Variants in PCLO observed in about 807,000 individuals in gnomAD.
PCLO encodes the protein protein piccolo.
Under a neutral mutation model 427.5 loss-of-function variants are expected in PCLO, and 82 were observed. That is an observed-to-expected ratio of 0.19 (90% CI 0.16 to 0.23). The LOEUF is 0.23. PCLO is among the 10% of genes least tolerant of loss of function. PCLO has a pLI of 1.00. For synonymous variants in PCLO, 2,357 were observed against 2,155.4 expected (o/e 1.09, Z -2.59); for missense variants, 6,239 against 6,115.9 (o/e 1.02, Z -0.67).
intron 1 of PCLO, among the ~76,000 whole-genome samples, chr7:83,160,084 C>G (rs1024396055): frequency 5.3e-5 from 8 of 152,084 alleles, no homozygotes; most frequent in Non-Finnish European, 1.2e-4. Flanking sequence ...ATTGCTGATA[C>G]CGATATTGCC....
In PCLO at chr7:82,754,868, A is replaced by G. The variant is rs1018351903; in HGVS notation, c.*3707T>C. 1 of 152,144 alleles carries G rather than the reference A, an allele frequency of 6.6e-6. No homozygotes were observed. The highest frequency in any genetic ancestry group is 2.4e-5 in the African/African-American group (1 of 41,466). 9.4% of individuals were successfully genotyped at this position (152,144 alleles called of 1,614,324 possible). ...GGAAGGAAGATCACTTCTGTCACAC[A>G]TAACACATATATAGCTGTAGTTGGC... On this transcript the variant is annotated 3_prime_UTR_variant, in exon 25 of 25. Transcript: ENST00000333891.
chr7:82,940,023 G>A (rs545516128), intron 6 of PCLO, among the ~76,000 whole-genome samples: 1 of 152,122 alleles, frequency 6.6e-6, no homozygotes, highest in South Asian at 2.1e-4. Context: ...AAATGAAAAC[G>A]TTTTTACTAA....
intron 22 of PCLO, among the ~76,000 whole-genome samples, chr7:82,785,058 T>G (rs75851841): frequency 1.5e-3 from 224 of 152,330 alleles, no homozygotes; most frequent in African/African-American, 5.3e-3. Context: ...GGTATTATTT[T>G]ATATTTCATT....
At chr7:83,001,519 CACACACACACAA>C (rs1425679570) in intron 3 of PCLO, among the ~76,000 whole-genome samples, 3 of 151,572 alleles carry the variant, frequency 2.0e-5, no homozygotes, top group Admixed American at 1.3e-4. Context: ...CACACACACA[CACACACACACAA>C]AGGAAGTAAG....
chr7:83,027,422 T>C (rs1788531776), intron 3 of PCLO, among the ~76,000 whole-genome samples: 1 of 152,112 alleles, frequency 6.6e-6, no homozygotes, highest in South Asian at 2.1e-4. Context: ...GTTGAATCTC[T>C]GAATAGACCA....
At chr7:82,810,278 T>A (rs1791542019) in intron 20 of PCLO, among the ~76,000 whole-genome samples, 1 of 151,708 alleles carries the variant, frequency 6.6e-6, no homozygotes, top group African/African-American at 2.4e-5. Context: ...TAATTAGAGT[T>A]TCAGAAACCA....
At chr7:82,910,464 A>G (rs1794295819) in intron 7 of PCLO, among the ~76,000 whole-genome samples, 1 of 152,136 alleles carries the variant, frequency 6.6e-6, no homozygotes, top group Non-Finnish European at 1.5e-5. Flanking sequence ...ATTTGAGAAA[A>G]TACATTAACA....
intron 22 of PCLO, among the ~76,000 whole-genome samples, chr7:82,792,701 C>G (rs1371526801): frequency 1.3e-5 from 2 of 152,084 alleles, no homozygotes; most frequent in Non-Finnish European, 2.9e-5. Context: ...CGTTATTTTA[C>G]CGAACTCATA....
In PCLO at chr7:82,919,647, T is replaced by C. The variant is rs536352620; in HGVS notation, c.11113-2774A>G. ...AGGGTCAAACAGCATTAACGGCTAG[T>C]TGAGAGAAAGCAACAGATTTTAAAC... On this transcript the variant is annotated intron_variant, in intron 6 of 24. Transcript: ENST00000333891. Among the ~76,000 whole-genome samples the C allele has an allele frequency of 4.0e-5, 6 of 151,646 alleles. No homozygotes were observed. The South Asian group carries it at 1.3e-3, about 32-fold the overall frequency.
In PCLO at chr7:82,953,647, T is replaced by A. The variant is rs761113759; in HGVS notation, c.7306A>T (p.Thr2436Ser). ...PLPPPTSPKP[T>S]ILPKKKLTVA... Reference sequence around the variant, plus strand: ...GTTAACTTTTTTTTAGGAAGAATAGTTGGTTTAGGTGAAGTTGGTGGAGGA... The same window carrying A: ...GTTAACTTTTTTTTAGGAAGAATAGATGGTTTAGGTGAAGTTGGTGGAGGA... The change falls in exon 5 of 25, where the codon ACT becomes TCT. Residue 2436 changes from threonine (T) to serine (S), a missense_variant. By Grantham distance (58) the Thr-to-Ser change is moderately conservative. This residue lies in a region of PCLO where 4,677 missense variants were observed against 4,468.4 expected (regional missense o/e 1.05). Transcript: ENST00000333891. 6.4e-6 allele frequency: 10 copies of A among 1,567,240 alleles called. No individual in the cohort carries two copies. In the Admixed American group the frequency reaches 1.9e-4, roughly 29 times the overall value.
At chr7:82,863,977 T>C (rs572810811) in intron 10 of PCLO, among the ~76,000 whole-genome samples, 135 of 152,066 alleles carry the variant, frequency 8.9e-4, no homozygotes, top group African/African-American at 3.1e-3. Flanking sequence ...TCCAGTAAAA[T>C]AGATAGGGTA....
chr7:83,037,768 C>T (rs556310676), intron 3 of PCLO, among the ~76,000 whole-genome samples: 4 of 150,426 alleles, frequency 2.7e-5, no homozygotes, highest in Admixed American at 6.7e-5. Flanking sequence ...AAAATGATGT[C>T]ACACTATTTA....
rs754083986 is a variant in PCLO, at chr7:82,761,435, A to G, written c.15066T>C (p.Asp5022=). The change falls in exon 23 of 25, where the codon GAT becomes GAC. Residue 5022 remains aspartate (D), a synonymous_variant. Coordinates refer to ENST00000333891, the MANE Select transcript of PCLO (RefSeq NM_033026.6). ...KIALKKEMKT[D]GEQLIVEILQ... is the part of the protein sequence containing the mutation. ...GAATTTCAACTATTAGTTGTTCACC[A>G]TCTGTCTTCATTTCCTTCTTCAATG... 7.6e-6 allele frequency: 12 copies of G among 1,588,130 alleles called. No individual in the cohort carries two copies. The East Asian group carries it at 2.5e-4, about 33-fold the overall frequency.
chr7:82,863,937 A>AT (rs146070022), intron 10 of PCLO, among the ~76,000 whole-genome samples: 10 of 151,810 alleles, frequency 6.6e-5, no homozygotes, highest in South Asian at 4.1e-4. Context: ...TATTTTGCCC[A>AT]TTTTTTTTCT....
At chr7:82,836,352 A>G (rs1311223240) in intron 15 of PCLO, among the ~76,000 whole-genome samples, 2 of 152,164 alleles carry the variant, frequency 1.3e-5, no homozygotes, top group African/African-American at 4.8e-5. Flanking sequence ...CATAAATAAC[A>G]TTGAAGGTCT....
chr7:82,839,828 G>C (rs984701941), intron 14 of PCLO, among the ~76,000 whole-genome samples: 1 of 151,954 alleles, frequency 6.6e-6, no homozygotes, highest in Non-Finnish European at 1.5e-5. Context: ...CAATCACAGC[G>C]ACTCCAGTGC....
At chr7:82,833,414 C>T (rs1467360052) in intron 16 of PCLO, among the ~76,000 whole-genome samples, 1 of 152,104 alleles carries the variant, frequency 6.6e-6, no homozygotes, top group Non-Finnish European at 1.5e-5. Flanking sequence ...GTATTGAGTT[C>T]ACGCACGACC....
In PCLO at chr7:82,902,750, T is replaced by C. The variant is rs374607483; in HGVS notation, c.13438-9A>G. 4.8e-5 allele frequency: 69 copies of C among 1,436,298 alleles called. No individual in the cohort carries two copies. The highest frequency in any genetic ancestry group is 3.9e-4 in the Admixed American group (23 of 58,882). 89.0% of individuals were successfully genotyped at this position (1,436,298 alleles called of 1,614,324 possible). ...CCGTTCATCTGTATAATCTAAGACA[T>C]ACATGTAGTAAGGTAAAAAACCAGC... On this transcript the variant is annotated splice_polypyrimidine_tract_variant and intron_variant, in intron 8 of 24. Transcript: ENST00000333891.
At position 82,953,119 on chromosome 7, in the gene PCLO, C is replaced by A. The variant is rs912860603; in HGVS notation, c.7834G>T (p.Asp2612Tyr). ...AACACAGGTTCAACAGAAACCAGAT[C>A]TTTGGAGGGTGATCCCAAGGGCCAA... ...TSWPLGSPSK[D>Y]LVSVEPVFSV... Residue 2612 changes from aspartate (D) to tyrosine (Y), a missense_variant, in exon 5 of 25, where the codon GAT becomes TAT. Physicochemically the swap from Asp to Tyr is radical, Grantham distance 160. Around this residue, in one of 5 missense-constraint regions of PCLO, gnomAD observed 4,677 missense variants for 4,468.4 expected, o/e 1.05. Coordinates refer to ENST00000333891, the MANE Select transcript of PCLO (RefSeq NM_033026.6). The A allele has an allele frequency of 2.5e-6, 4 of 1,613,922 alleles. No individual in the cohort carries two copies. The highest frequency in any genetic ancestry group is 3.4e-6 in the Non-Finnish European group (4 of 1,179,848).
Sources: gnomAD v4.1 joint callset for allele counts (sites outside exome capture counted in the v4.1 genomes callset) on GRCh38, gnomAD v4.1.1 for gene constraint, gnomAD v4.1.1 regional missense constraint, MANE v1.5 for transcripts, NCBI Gene and HGNC (gene_info 2026-07-23, HGNC 2026-07-21) for gene names.